KCND2: variants seen among roughly 807,000 people sequenced by gnomAD.
The protein encoded by KCND2 is A-type voltage-gated potassium channel KCND2.
Under a neutral mutation model 54.4 loss-of-function variants are expected in KCND2, and 16 were observed. That is an observed-to-expected ratio of 0.29 (90% CI 0.20 to 0.45). KCND2 has a LOEUF of 0.45. KCND2 is among the 20% of genes least tolerant of loss of function. The pLI is 1.00. For synonymous variants in KCND2, 317 were observed against 310.7 expected (o/e 1.02, Z -0.21); for missense variants, 486 against 824.2 (o/e 0.59, Z 5.02).
At chr7:120,518,168 C>G (rs1803223420) in intron 1 of KCND2, among the ~76,000 whole-genome samples, 1 of 152,008 alleles carries the variant, frequency 6.6e-6, no homozygotes, top group South Asian at 2.1e-4. Flanking sequence ...TGTACTAGAC[C>G]CTTTACACAT....
chr7:120,631,452 G>A (rs566489867), intron 1 of KCND2, among the ~76,000 whole-genome samples: 115 of 152,108 alleles, frequency 7.6e-4, no homozygotes, highest in Non-Finnish European at 1.4e-3. Context: ...ATGCAAATGC[G>A]AAAGATCACA....
chr7:120,422,756 C>T (rs1184668235), intron 1 of KCND2, among the ~76,000 whole-genome samples: 3 of 152,206 alleles, frequency 2.0e-5, no homozygotes, highest in Non-Finnish European at 4.4e-5. Flanking sequence ...GTGAAGGTAG[C>T]TCCAAGGGCA....
At chr7:120,500,776 G>A (rs1217134244) in intron 1 of KCND2, among the ~76,000 whole-genome samples, 1 of 150,686 alleles carries the variant, frequency 6.6e-6, no homozygotes, top group Non-Finnish European at 1.5e-5. Context: ...ATATGTGTCT[G>A]GGAGTTATGA....
intron 1 of KCND2, among the ~76,000 whole-genome samples, chr7:120,387,572 A>G (rs1801008721): frequency 6.6e-6 from 1 of 152,070 alleles, no homozygotes; most frequent in Non-Finnish European, 1.5e-5. Context: ...GAAGCTATTA[A>G]GAAAGCAGCA....
At chr7:120,655,112 T>C (rs781287007) in intron 1 of KCND2, among the ~76,000 whole-genome samples, 5 of 152,104 alleles carry the variant, frequency 3.3e-5, no homozygotes, top group Non-Finnish European at 7.4e-5. Context: ...ACAAGGGTTA[T>C]ACATGTTAAT....
intron 1 of KCND2, among the ~76,000 whole-genome samples, chr7:120,645,717 G>A (rs1168241724): frequency 4.6e-5 from 7 of 152,130 alleles, no homozygotes; most frequent in Admixed American, 1.3e-4. Context: ...GCCTGGACAC[G>A]TGACAAGTGG....
intron 1 of KCND2, among the ~76,000 whole-genome samples, chr7:120,447,993 A>T (rs1334104463): frequency 2.0e-5 from 3 of 152,156 alleles, no homozygotes; most frequent in Non-Finnish European, 4.4e-5. Context: ...TATGATTTAT[A>T]TTGCATTGAG....
chr7:120,419,947 CT>C (rs894739611), intron 1 of KCND2, among the ~76,000 whole-genome samples: 9 of 144,148 alleles, frequency 6.2e-5, no homozygotes, highest in South Asian at 2.2e-4. Flanking sequence ...TTTTTTCTTT[CT>C]TTTTTTTTCC....
intron 1 of KCND2, among the ~76,000 whole-genome samples, chr7:120,547,744 C>T (rs1261163728): frequency 1.3e-5 from 2 of 152,044 alleles, no homozygotes; most frequent in Non-Finnish European, 2.9e-5. Flanking sequence ...CTAACAGGTG[C>T]TTCCTACATG....
intron 1 of KCND2, among the ~76,000 whole-genome samples, chr7:120,519,655 T>A (rs1293818296): frequency 6.6e-6 from 1 of 152,196 alleles, no homozygotes; most frequent in Non-Finnish European, 1.5e-5. Flanking sequence ...TTTGTGATAA[T>A]TTGTTATGTC....
At chr7:120,699,230 C>T (rs373741145) in intron 1 of KCND2, among the ~76,000 whole-genome samples, 9 of 150,954 alleles carry the variant, frequency 6.0e-5, no homozygotes, top group Middle Eastern at 3.4e-3. Context: ...TGCAGTGAGC[C>T]GAGATCGCGC....
At chr7:120,483,418 G>C (rs558611784) in intron 1 of KCND2, among the ~76,000 whole-genome samples, 1 of 152,288 alleles carries the variant, frequency 6.6e-6, no homozygotes, top group Admixed American at 6.5e-5. Flanking sequence ...GTCAGAGCTA[G>C]ACATATAGAT....
At chr7:120,301,148 C>T (rs1021582726) in intron 1 of KCND2, among the ~76,000 whole-genome samples, 4 of 151,910 alleles carry the variant, frequency 2.6e-5, no homozygotes, top group Non-Finnish European at 5.9e-5. Context: ...TATAATATTA[C>T]CTATGGGCCA....
At chr7:120,523,744 G>A (rs1584812636) in intron 1 of KCND2, among the ~76,000 whole-genome samples, 1 of 138,790 alleles carries the variant, frequency 7.2e-6, no homozygotes, top group South Asian at 2.2e-4. Flanking sequence ...GTGTGTGTGT[G>A]TGTATGTCTT....
intron 1 of KCND2, among the ~76,000 whole-genome samples, chr7:120,633,462 A>G (rs1267566096): frequency 1.3e-5 from 2 of 152,200 alleles, no homozygotes; most frequent in Non-Finnish European, 2.9e-5. Flanking sequence ...AAAAGCAATA[A>G]ACGTTTGAAA....
At position 120,274,161 on chromosome 7, in the gene KCND2, AGAGT is replaced by A. The variant is rs1475991029; in HGVS notation, c.-468_-465del. The A allele has an allele frequency of 3.7e-5, 6 of 163,058 alleles. No individual in the cohort carries two copies. Among genetic ancestry groups the A allele is most frequent in the African/African-American group, 1.2e-4 (5 of 41,618 alleles). The allele number at this position is 163,058 out of a possible 1,614,324, so 10.1% of individuals were successfully genotyped here. On this transcript the variant is annotated 5_prime_UTR_variant, in exon 1 of 6. Coordinates refer to ENST00000331113, the MANE Select transcript of KCND2 (RefSeq NM_012281.3). ...GGCTACTTGGAAAGGAAGGTTTGAA[AGAGT>A]GAGAAGGGTAGGTGTAAGGGTTCCC...
At chr7:120,560,517 A>G (rs1292342218) in intron 1 of KCND2, among the ~76,000 whole-genome samples, 2 of 152,236 alleles carry the variant, frequency 1.3e-5, no homozygotes. Flanking sequence ...CTCAAGTTCA[A>G]CACTTTAATG....
chr7:120,421,166 T>C (rs1418434973), intron 1 of KCND2, among the ~76,000 whole-genome samples: 1 of 152,250 alleles, frequency 6.6e-6, no homozygotes, highest in Non-Finnish European at 1.5e-5. Flanking sequence ...CTGCCACTTC[T>C]GTTAATGTCA....
chr7:120,308,177 A>G (rs1799677077), intron 1 of KCND2, among the ~76,000 whole-genome samples: 1 of 152,000 alleles, frequency 6.6e-6, no homozygotes, highest in Admixed American at 6.6e-5. Context: ...GGAGAGAGAG[A>G]AAAAAAATCT....
Sources: gnomAD v4.1 joint callset for allele counts (sites outside exome capture counted in the v4.1 genomes callset) on GRCh38, gnomAD v4.1.1 for gene constraint, MANE v1.5 for transcripts, NCBI Gene and HGNC (gene_info 2026-07-23, HGNC 2026-07-21) for gene names.